Variants in CDK5RAP3 observed in about 807,000 individuals in gnomAD.
CDK5RAP3 encodes CDK5 regulatory subunit-associated protein 3.
A neutral mutation model predicts 73.3 loss-of-function variants in CDK5RAP3; 58 were observed. That is an observed-to-expected ratio of 0.79 (90% CI 0.64 to 0.98). The LOEUF is 0.98. CDK5RAP3 is among the 50% of genes least tolerant of loss of function. The pLI is 0.00. For missense variants in CDK5RAP3, 525 were observed against 615.8 expected (o/e 0.85, Z 1.56); for synonymous variants, 224 against 247.5 (o/e 0.91, Z 0.89).
chr17:47,971,338 C>G (rs777306417), intron 1 of CDK5RAP3, 24 bp from the exon 2 acceptor site: 11 of 1,607,532 alleles, frequency 6.8e-6, no homozygotes, highest in East Asian at 2.2e-5. Context: ...CTCACGCCCC[C>G]CTCCTCACCG....
intron 11 of CDK5RAP3, chr17:47,979,618 G>A (rs1346174386): frequency 6.6e-6 from 1 of 152,580 alleles, no homozygotes; most frequent in Non-Finnish European, 1.5e-5. Flanking sequence ...GATCTCATTT[G>A]TGTTTAAGGA....
rs369594809 is a variant in CDK5RAP3 at position 47,971,449 on chromosome 17, G to A, written c.52+42G>A. 6.3e-5 allele frequency: 97 copies of A among 1,546,758 alleles called. 1 individual carries two copies. Among genetic ancestry groups the A allele is most frequent in the Non-Finnish European group, 8.1e-5 (92 of 1,141,966 alleles). Reference sequence around the variant, plus strand: ...CCGCGCAGCTGGCTGTCGGGGGGAGGCCTGTGCGTTGCCCCCTGTGTCCAA... The same window carrying A: ...CCGCGCAGCTGGCTGTCGGGGGGAGACCTGTGCGTTGCCCCCTGTGTCCAA... On this transcript the variant is annotated intron_variant, in intron 2 of 13. Transcript: ENST00000338399.
rs537848356 is a variant in CDK5RAP3 at position 47,976,704 on chromosome 17, C to G, written c.799-8C>G. ...TTCCATGAGCTAACACTCTCTTTCC[C>G]TTTCCAGATTGACTGGGGCGACTTT... On this transcript the variant is annotated splice_polypyrimidine_tract_variant and splice_region_variant and intron_variant, in intron 8 of 13. Transcript: ENST00000338399. The G allele has an allele frequency of 1.2e-4, 199 of 1,593,146 alleles. 4 individuals carry two copies. In the South Asian group the frequency reaches 2.1e-3, roughly 16 times the overall value.
At chr17:47,969,319 G>A (rs1415742968), upstream of CDK5RAP3, among the ~76,000 whole-genome samples, 2 of 151,932 alleles carry the variant, frequency 1.3e-5, no homozygotes, top group African/African-American at 2.4e-5. Flanking sequence ...CACTTTAGGA[G>A]GCTGAAGCGG....
At chr17:47,971,016 G>T, upstream of CDK5RAP3, 1 of 1,515,232 alleles carries the variant, frequency 6.6e-7, no homozygotes, top group Non-Finnish European at 8.9e-7. Context: ...CTGATTGGCT[G>T]TACGGAAGGC....
chr17:47,973,608 A>C lies in CDK5RAP3; in HGVS notation c.142A>C (p.Met48Leu), dbSNP rs748523854. ...REKINAAIQDMPESEEIAQLL... is the reference protein window; with the variant it reads ...REKINAAIQDLPESEEIAQLL... ...GAAGATCAATGCTGCCATCCAGGAC[A>C]TGCCAGAGAGCGAAGAGATCGCCCA... Residue 48 changes from methionine to leucine, a missense_variant, in exon 3 of 14, where the codon ATG becomes CTG. Around this residue, in one of 2 missense-constraint regions of CDK5RAP3, gnomAD observed 409 missense variants for 429.8 expected, o/e 0.95. Transcript: ENST00000338399. 2 of 1,614,210 alleles carry C rather than the reference A, an allele frequency of 1.2e-6. No individual in the cohort carries two copies. Among genetic ancestry groups the C allele is most frequent in the Admixed American group, 1.7e-5 (1 of 60,028 alleles).
At chr17:47,973,142 G>T (rs534060973) in intron 2 of CDK5RAP3, among the ~76,000 whole-genome samples, 29 of 152,304 alleles carry the variant, frequency 1.9e-4, no homozygotes, top group African/African-American at 7.0e-4. Context: ...GTTAACCCCA[G>T]CCCTGAGGAA....
chr17:47,973,537 G>C lies in CDK5RAP3; in HGVS notation c.71G>C (p.Arg24Thr). Residue 24 changes from arginine (R) to threonine (T), a missense_variant, in exon 3 of 14, where the codon AGG (arginine) becomes ACG (threonine). Transcript: ENST00000338399. ...CATGTAGATTGGCTGGTGGACAGAAGGCACTGCAGCCTGAAATGGCAGAGT... is the reference window on the plus strand; with the variant it reads ...CATGTAGATTGGCTGGTGGACAGAACGCACTGCAGCCTGAAATGGCAGAGT... ...SKLLDWLVDR[R>T]HCSLKWQSLV... The C allele has an allele frequency of 6.2e-7, 1 of 1,614,134 alleles. No homozygotes were observed. Among genetic ancestry groups the C allele is most frequent in the Non-Finnish European group, 8.5e-7 (1 of 1,179,984 alleles).
chr17:47,981,139 C>A, intron 12 of CDK5RAP3, 24 bp from the exon 13 acceptor site: 1 of 1,603,986 alleles, frequency 6.2e-7, no homozygotes, highest in Non-Finnish European at 8.5e-7. Context: ...GCTAACCCAG[C>A]ACTCACCTGA....
Position 47,981,779 on chromosome 17 carries a change from G to A in CDK5RAP3, c.*277G>A. 2 of 1,399,086 alleles carry A rather than the reference G, an allele frequency of 1.4e-6. No individual in the cohort carries two copies. Among genetic ancestry groups the A allele is most frequent in the Non-Finnish European group, 1.9e-6 (2 of 1,051,246 alleles). The allele number at this position is 1,399,086 out of a possible 1,614,324, so 86.7% of individuals were successfully genotyped here. A position where few individuals can be genotyped will look rare whatever the true frequency, so the allele number is the denominator to read the frequency against. On this transcript the variant is annotated 3_prime_UTR_variant, in exon 14 of 14. Transcript: ENST00000338399. Reference sequence around the variant, plus strand: ...AAAAGAGGAAAAAACTCTTGCTTCAGTACTGACAGTTCCTTATGCTGCTTC... The same window carrying A: ...AAAAGAGGAAAAAACTCTTGCTTCAATACTGACAGTTCCTTATGCTGCTTC...
In CDK5RAP3 at chr17:47,978,069, G is replaced by GTTTT. The variant is rs71366815; in HGVS notation, c.988+172_988+175dup. 1,871 of 296,532 alleles carry GTTTT rather than the reference G, an allele frequency of 6.3e-3. 2 individuals carry two copies. Among genetic ancestry groups the GTTTT allele is most frequent in the South Asian group, 0.011 (277 of 25,352 alleles). The allele number at this position is 296,532 out of a possible 1,614,324, so 18.4% of individuals were successfully genotyped here. ...TGTGAGCTGAGGGGGACCAAGAGAG[G>GTTTT]TTTTTTTTTTTTTTTTGGAGACGGA... On this transcript the variant is annotated intron_variant, in intron 10 of 13. Coordinates refer to ENST00000338399, the MANE Select transcript of CDK5RAP3 (RefSeq NM_176096.3).
chr17:47,979,185 A>C, intron 11 of CDK5RAP3: 3 of 397,736 alleles, frequency 7.5e-6, no homozygotes, highest in Non-Finnish European at 4.5e-6. Context: ...TTATATTCTA[A>C]TGGGGAATGC....
chr17:47,976,522 G>A, intron 8 of CDK5RAP3, 190 bp from the exon 9 acceptor site: 1 of 489,650 alleles, frequency 2.0e-6, no homozygotes. Context: ...ACCACTCCTA[G>A]CTAATTTTTT....
At chr17:47,980,489 A>C in intron 11 of CDK5RAP3, 104 bp from the exon 12 acceptor site, 1 of 983,302 alleles carries the variant, frequency 1.0e-6, no homozygotes, top group Non-Finnish European at 1.6e-6. Context: ...CTGGTCTTGA[A>C]CTCCTGGCCT....
Position 47,976,019 on chromosome 17 carries a change from A to G in CDK5RAP3, c.798+6A>G, listed in dbSNP as rs201370626. 96 of 1,613,528 alleles carry G rather than the reference A, an allele frequency of 5.9e-5. No homozygotes were observed. Among genetic ancestry groups the G allele is most frequent in the Middle Eastern group, 1.6e-4 (1 of 6,080 alleles). ...AGCAGGTGGCAGAAGATGCGGTAAG[A>G]TGGGCCTTGTGATGAGCTGTAGGAG... On this transcript the variant is annotated splice_donor_region_variant and intron_variant, in intron 8 of 13. Coordinates refer to ENST00000338399, the MANE Select transcript of CDK5RAP3 (RefSeq NM_176096.3).
chr17:47,971,813 A>G (rs1184318400), intron 2 of CDK5RAP3, among the ~76,000 whole-genome samples: 1 of 151,990 alleles, frequency 6.6e-6, no homozygotes, highest in East Asian at 1.9e-4. Context: ...CCATGTCTCC[A>G]TGACTAAAAA....
At position 47,973,883 on chromosome 17, in the gene CDK5RAP3, G is replaced by A. The variant is rs371483756; in HGVS notation, c.185-48G>A. 3.2e-5 allele frequency: 46 copies of A among 1,451,490 alleles called. 1 individual carries two copies. In the African/African-American group the frequency reaches 5.7e-4, roughly 18 times the overall value. The allele number at this position is 1,451,490 out of a possible 1,614,324, so 89.9% of individuals were successfully genotyped here. On this transcript the variant is annotated intron_variant, in intron 3 of 13. Coordinates refer to ENST00000338399, the MANE Select transcript of CDK5RAP3 (RefSeq NM_176096.3). ...TCAGCCACCTGCAGTGCCCAGAGTAGGTGAAGAAGATACTTTAGTTCTCGA... is the reference window on the plus strand; with the variant it reads ...TCAGCCACCTGCAGTGCCCAGAGTAAGTGAAGAAGATACTTTAGTTCTCGA...
rs1435138612 is a variant in CDK5RAP3 at position 47,981,577 on chromosome 17, G to A, written c.*75G>A. The stretch of plus-strand genomic sequence containing the variant: ...TGATAGCCAGGGCTGTTGTTTTGGG[G>A]CCCTTCAAGGCAAAAGACCAGGCTG... On this transcript the variant is annotated 3_prime_UTR_variant, in exon 14 of 14. Transcript: ENST00000338399. 6.2e-7 allele frequency: 1 copy of A among 1,612,824 alleles called. No individual in the cohort carries two copies. Among genetic ancestry groups the A allele is most frequent in the Non-Finnish European group, 8.5e-7 (1 of 1,179,758 alleles).
intron 9 of CDK5RAP3, 137 bp downstream of exon 9, chr17:47,976,959 C>T: frequency 5.9e-6 from 3 of 504,944 alleles, no homozygotes; most frequent in East Asian, 3.8e-5. Flanking sequence ...CAGAGTTTCA[C>T]ACGTCACATG....
Sources: gnomAD v4.1 joint callset for allele counts (sites outside exome capture counted in the v4.1 genomes callset) on GRCh38, gnomAD v4.1.1 for gene constraint, gnomAD v4.1.1 regional missense constraint, MANE v1.5 for transcripts, NCBI Gene and HGNC (gene_info 2026-07-23, HGNC 2026-07-21) for gene names.